Variants in NOC2L observed in about 807,000 individuals in gnomAD.
NOC2L encodes the protein nucleolar complex protein 2 homolog.
Under a neutral mutation model 94.2 loss-of-function variants are expected in NOC2L, and 101 were observed. The ratio of observed to expected loss-of-function variants is 1.07; its 90% CI spans 0.91 to 1.26. NOC2L has a LOEUF of 1.26. NOC2L is among the 50% of genes most tolerant of loss of function. The pLI is 0.00. For missense variants in NOC2L, 1,076 were observed against 980.1 expected (o/e 1.10, Z -1.31); for synonymous variants, 531 against 413.4 (o/e 1.28, Z -3.45).
chr1:946,332 C>A, intron 15 of NOC2L, 46 bp from the exon 16 acceptor site: 2 of 1,611,090 alleles, frequency 1.2e-6, no homozygotes, highest in Non-Finnish European at 1.7e-6. Context: ...CCTGGGCAAA[C>A]CCCCACATGT....
At chr1:945,438 A>T in intron 17 of NOC2L, 80 bp downstream of exon 17, 1 of 1,535,126 alleles carries the variant, frequency 6.5e-7, no homozygotes, top group Non-Finnish European at 8.9e-7. Flanking sequence ...GGATGGGTAC[A>T]GGTGGCCCTC....
At position 946,481 on chromosome 1, in the gene NOC2L, C is replaced by T; in HGVS notation, c.1724G>A (p.Gly575Glu). 1 of 1,613,310 alleles carries T rather than the reference C, an allele frequency of 6.2e-7. No individual in the cohort carries two copies. Residue 575 changes from glycine to glutamate, a missense_variant, in exon 15 of 19, where the codon GGG becomes GAG. Physicochemically the swap from Gly to Glu is moderately conservative, Grantham distance 98 (BLOSUM62 -2). Around this residue, in one of 3 missense-constraint regions of NOC2L, gnomAD observed 615 missense variants for 577.4 expected, o/e 1.07. Coordinates refer to ENST00000327044, the MANE Select transcript of NOC2L (RefSeq NM_015658.4). ...NYCRQVQQLL[G>E]KVQENSAYIC... ...GTATGCCGAGTTCTCCTGAACCTTC[C>T]CAAGCAGCTGCTGCACCTGCCGGCA... is the stretch of plus-strand genomic sequence containing the variant.
At chr1:953,938 G>T in intron 7 of NOC2L, 46 bp from the exon 8 acceptor site, 1 of 1,606,636 alleles carries the variant, frequency 6.2e-7, no homozygotes, top group Non-Finnish European at 8.5e-7. Context: ...ATGTATTCTG[G>T]GATACAAAAA....
At chr1:958,744 CAG>C (rs756324731) in intron 2 of NOC2L, 183 bp downstream of exon 2, 2 of 724,700 alleles carry the variant, frequency 2.8e-6, no homozygotes, top group Admixed American at 4.0e-5. Context: ...CTGCCTAGGA[CAG>C]AGTTTGGCAC....
intron 8 of NOC2L, 77 bp from the exon 9 acceptor site, chr1:953,365 C>T: frequency 2.3e-6 from 2 of 869,204 alleles, no homozygotes; most frequent in South Asian, 2.9e-5. Flanking sequence ...CAGCCCTCCC[C>T]AGCCAGGCAA....
In NOC2L at chr1:946,508, T is replaced by G. The variant is rs1364246367; in HGVS notation, c.1697A>C (p.Tyr566Ser). 1 of 1,613,044 alleles carries G rather than the reference T, an allele frequency of 6.2e-7. No homozygotes were observed. Among genetic ancestry groups the G allele is most frequent in the Non-Finnish European group, 8.5e-7 (1 of 1,179,954 alleles). Residue 566 changes from tyrosine (Y) to serine (S), a missense_variant, in exon 15 of 19, where the codon TAC (tyrosine) becomes TCC (serine). Coordinates refer to ENST00000327044, the MANE Select transcript of NOC2L (RefSeq NM_015658.4). ...SFLRECKVAN[Y>S]CRQVQQLLGK... ...AAGCAGCTGCTGCACCTGCCGGCAG[T>G]AGTTGGCCACCTTGCACTCCCGGAG... is the stretch of plus-strand genomic sequence containing the variant.
chr1:951,972 G>A lies in NOC2L; in HGVS notation c.1331+28C>T, dbSNP rs565367970. 42 of 1,599,538 alleles carry A rather than the reference G, an allele frequency of 2.6e-5. No individual in the cohort carries two copies. In the South Asian group the frequency reaches 3.9e-4, roughly 15 times the overall value. Reference sequence around the variant, plus strand: ...CAAATTTGCTTCTCCTGACCCTCCCGCACAACCCTGCCCACCCCACAACTC... The same window carrying A: ...CAAATTTGCTTCTCCTGACCCTCCCACACAACCCTGCCCACCCCACAACTC... On this transcript the variant is annotated intron_variant, in intron 11 of 18. Transcript: ENST00000327044.
At chr1:948,265 G>C (rs1331555290) in intron 13 of NOC2L, 33 bp from the exon 14 acceptor site, 2 of 1,516,742 alleles carry the variant, frequency 1.3e-6, no homozygotes, top group Non-Finnish European at 1.8e-6. Flanking sequence ...GAGTGCATCA[G>C]GGAGAGGCTG....
At chr1:948,465 C>A (rs1373525761) in intron 13 of NOC2L, 25 bp downstream of exon 13, 2 of 1,559,972 alleles carry the variant, frequency 1.3e-6, no homozygotes, top group Non-Finnish European at 1.8e-6. Context: ...ACTGCCCAGG[C>A]CCCTCCCCAG....
rs1642042443 is a variant in NOC2L at position 944,785 on chromosome 1, G to A, written c.2159C>T (p.Ala720Val). 3 of 1,592,682 alleles carry A rather than the reference G, an allele frequency of 1.9e-6. No homozygotes were observed. ...SSNSEDGDPD[A>V]EAGLAPGELQ... The stretch of plus-strand genomic sequence containing the variant: ...CTCCCCAGGGGCCAGCCCCGCCTCT[G>A]CGTCTGGGTCTCCATCTGCGGGGAG... Residue 720 changes from alanine to valine, a missense_variant, in exon 19 of 19, where the codon GCA becomes GTA. By Grantham distance (64) the Ala-to-Val change is moderately conservative. Around this residue, in one of 3 missense-constraint regions of NOC2L, gnomAD observed 615 missense variants for 577.4 expected, o/e 1.07. Coordinates refer to ENST00000327044, the MANE Select transcript of NOC2L (RefSeq NM_015658.4).
rs1449762098 is a variant in NOC2L at position 956,230 on chromosome 1, G to A, written c.487-15C>T. 3.7e-6 allele frequency: 6 copies of A among 1,612,104 alleles called. No homozygotes were observed. The Admixed American group carries it at 5.0e-5, about 13-fold the overall frequency. On this transcript the variant is annotated splice_polypyrimidine_tract_variant and intron_variant, in intron 4 of 18. Coordinates refer to ENST00000327044, the MANE Select transcript of NOC2L (RefSeq NM_015658.4). ...GTGAGGCGTTGCTGAAGGAGCAAGA[G>A]TACCAGGGGCGTCAGGGGAGCTGAG... is the stretch of plus-strand genomic sequence containing the variant.
intron 4 of NOC2L, among the ~76,000 whole-genome samples, chr1:956,425 C>T (rs1186314043): frequency 3.9e-5 from 6 of 152,110 alleles, no homozygotes; most frequent in African/African-American, 1.2e-4. Flanking sequence ...TCAGGAGCCC[C>T]AGGAAAAGGA....
rs564925208 is a variant in NOC2L at position 953,217 on chromosome 1, G to A, written c.960C>T (p.Val320=). 6.2e-7 allele frequency: 1 copy of A among 1,613,564 alleles called. No individual in the cohort carries two copies. The highest frequency in any genetic ancestry group is 1.3e-5 in the African/African-American group (1 of 75,058). The change falls in exon 9 of 19, where the codon GTC becomes GTT. Residue 320 remains valine, a synonymous_variant. Coordinates refer to ENST00000327044, the MANE Select transcript of NOC2L (RefSeq NM_015658.4). ...RVLAFLVLSR[V]CRHKKDTFLG... ...GGAAAGTGTCCTTCTTGTGCCGGCA[G>A]ACTCTGCTGAGGACCAGGAAAGCCA...
chr1:957,050 G>C (rs761534697), intron 3 of NOC2L, 25 bp from the exon 4 acceptor site: 9 of 1,613,928 alleles, frequency 5.6e-6, no homozygotes, highest in Admixed American at 3.3e-5. Context: ...TGAGCTGAAG[G>C]AGAGTGTAGA....
At position 951,240 on chromosome 1, in the gene NOC2L, T is replaced by A. The variant is rs201016776; in HGVS notation, c.1332-2A>T. On this transcript the variant is annotated splice_acceptor_variant, in intron 11 of 18. Transcript: ENST00000327044. LOFTEE classifies it high-confidence loss of function. ...TAGAAGCGGGCAGTGGGGATGAGCC[T>A]GGGGGTGGGAAGGCCGAGTGAGCAG... 4 of 1,574,306 alleles carry A rather than the reference T, an allele frequency of 2.5e-6. No individual in the cohort carries two copies. The highest frequency in any genetic ancestry group is 3.4e-6 in the Non-Finnish European group (4 of 1,159,752).
At chr1:950,873 G>GC (rs925824606) in intron 12 of NOC2L, among the ~76,000 whole-genome samples, 1 of 152,150 alleles carries the variant, frequency 6.6e-6, no homozygotes, top group African/African-American at 2.4e-5. Flanking sequence ...CCAGTCTTGG[G>GC]CAAGCACCTA....
In NOC2L at chr1:955,999, C is replaced by T; in HGVS notation, c.622G>A (p.Val208Ile). 1 of 1,613,860 alleles carries T rather than the reference C, an allele frequency of 6.2e-7. No individual in the cohort carries two copies. Among genetic ancestry groups the T allele is most frequent in the Non-Finnish European group, 8.5e-7 (1 of 1,179,962 alleles). ...ATGAGGTCTCTGATGCAGAAGGTAA[C>T]CAGAGCATTGAATGCTGCAACGAAA... is the stretch of plus-strand genomic sequence containing the variant. ...VTDSAAFNAL[V>I]TFCIRDLIGC... Residue 208 changes from valine to isoleucine, a missense_variant, in exon 6 of 19, where the codon GTT becomes ATT. Coordinates refer to ENST00000327044, the MANE Select transcript of NOC2L (RefSeq NM_015658.4).
At chr1:954,511 T>C (rs953373788) in intron 6 of NOC2L, 25 of 169,456 alleles carry the variant, frequency 1.5e-4, no homozygotes, top group African/African-American at 3.3e-4. Flanking sequence ...TGGTTTCCTT[T>C]GGCCCACATT....
In NOC2L at chr1:956,794, G is replaced by A. The variant is rs1642415297; in HGVS notation, c.486+100C>T. ...GTGAGGCAAGGCCAGATCTCTGCCT[G>A]GGCACCCAGCTGCCCGCCCCTCGCT... On this transcript the variant is annotated intron_variant, in intron 4 of 18. Coordinates refer to ENST00000327044, the MANE Select transcript of NOC2L (RefSeq NM_015658.4). The A allele has an allele frequency of 4.5e-6, 7 of 1,540,658 alleles. No homozygotes were observed. The South Asian group carries it at 6.9e-5, about 15-fold the overall frequency.
Sources: allele counts gnomAD v4.1 joint callset (sites outside exome capture counted in the v4.1 genomes callset), GRCh38; gene constraint gnomAD v4.1.1; regional missense constraint gnomAD v4.1.1; transcripts MANE v1.5; gene names NCBI Gene and HGNC (gene_info 2026-07-23, HGNC 2026-07-21).